The following MNS1 variants were observed in gnomAD, a reference collection of about 807,000 sequenced individuals.
MNS1 encodes meiosis-specific nuclear structural protein 1.
A neutral mutation model predicts 72.0 loss-of-function variants in MNS1; 63 were observed. That is an observed-to-expected ratio of 0.87 (90% confidence interval 0.71 to 1.08). The LOEUF (loss-of-function observed/expected upper bound fraction) is 1.08. Ranked by LOEUF, MNS1 falls within the 50% of genes least tolerant of loss-of-function variation. The pLI is 0.00. For synonymous variants in MNS1, 188 were observed against 172.1 expected, an observed-to-expected ratio of 1.09 and a Z score of -0.72; for missense variants, 604 against 562.4, an observed-to-expected ratio of 1.07 and a Z score of -0.75.
At chr15:56,464,001 AG>A in intron 2 of MNS1, 24 bp downstream of exon 2, 1 of 1,565,336 alleles carries the variant, frequency 6.4e-7, no homozygotes, top group Non-Finnish European at 8.7e-7. Flanking sequence ...TGAAAAAAAA[AG>A]TAACAATGAA....
At chr15:56,439,839 G>A (rs1204874836) in intron 7 of MNS1, among the ~76,000 whole-genome samples, 5 of 149,572 alleles carry the variant, frequency 3.3e-5, no homozygotes, top group Admixed American at 2.7e-4. Flanking sequence ...ATAACTAGGC[G>A]AAGAGTTTCT....
At chr15:56,460,977 C>G (rs986194489) in intron 2 of MNS1, among the ~76,000 whole-genome samples, 2 of 152,022 alleles carry the variant, frequency 1.3e-5, no homozygotes, top group Non-Finnish European at 2.9e-5. Context: ...AGCCTGAGAA[C>G]CAGCAGGCTC....
At chr15:56,436,849 C>G (rs2050734807) in intron 7 of MNS1, among the ~76,000 whole-genome samples, 1 of 152,132 alleles carries the variant, frequency 6.6e-6, no homozygotes, top group Admixed American at 6.5e-5. Flanking sequence ...ACTAGAAAAT[C>G]TAGAAGAAAT....
chr15:56,460,009 A>AAATATATAT, intron 2 of MNS1, among the ~76,000 whole-genome samples: 2 of 26,404 alleles, frequency 7.6e-5, no homozygotes, highest in African/African-American at 3.0e-4. Flanking sequence ...AAAAAAAAAA[A>AAATATATAT]ATACATATAT....
At chr15:56,452,546 T>G (rs1392377976) in intron 3 of MNS1, among the ~76,000 whole-genome samples, 1 of 147,432 alleles carries the variant, frequency 6.8e-6, no homozygotes, top group African/African-American at 2.5e-5. Flanking sequence ...TGAGACAGAG[T>G]CTCTCTCTGT....
intron 4 of MNS1, among the ~76,000 whole-genome samples, chr15:56,445,040 C>T (rs1377317133): frequency 6.6e-6 from 1 of 152,020 alleles, no homozygotes; most frequent in Non-Finnish European, 1.5e-5. Flanking sequence ...CAATTTTCAT[C>T]GTTTTTAGCT....
At chr15:56,446,080 A>T (rs2050899747) in intron 4 of MNS1, 1 of 151,956 alleles carries the variant, frequency 6.6e-6, no homozygotes, top group African/African-American at 2.4e-5. Context: ...TATGGTATCT[A>T]TTCTTAATTG....
intron 3 of MNS1, among the ~76,000 whole-genome samples, chr15:56,448,186 C>T (rs11858489): frequency 0.29 from 43,686 of 152,062 alleles, 6,881 homozygotes; most frequent in Middle Eastern, 0.47. Context: ...TCAGGTCATA[C>T]AGTAGATGCA....
intron 2 of MNS1, among the ~76,000 whole-genome samples, chr15:56,461,623 T>C (rs1567155177): frequency 8.0e-6 from 1 of 125,536 alleles, no homozygotes; most frequent in Non-Finnish European, 1.6e-5. Context: ...ATGGTGCGGC[T>C]GCACTCCAGC....
Position 56,465,074 on chromosome 15 carries a change from G to T in MNS1, c.-102C>A, listed in dbSNP as rs527542797. On this transcript the variant is annotated 5_prime_UTR_variant, in exon 1 of 10. Transcript: ENST00000260453. Reference sequence around the variant, plus strand: ...CCAAGGAGCGCACCTGGCTGCGCGCGCTCGGGTGTTTACGCGGCGTCTTGG... The same window carrying T: ...CCAAGGAGCGCACCTGGCTGCGCGCTCTCGGGTGTTTACGCGGCGTCTTGG... 3 of 1,509,120 alleles carry T rather than the reference G, an allele frequency of 2.0e-6. No individual in the cohort carries two copies. Among genetic ancestry groups the T allele is most frequent in the African/African-American group, 2.8e-5 (2 of 71,144 alleles). The allele number at this position is 1,509,120 out of a possible 1,614,324, so 93.5% of individuals were successfully genotyped here.
In MNS1 at chr15:56,461,984, T is replaced by G. The variant is rs76051181; in HGVS notation, c.225+2042A>C. Among the ~76,000 whole-genome samples the G allele has an allele frequency of 1.8e-3, 244 of 133,758 alleles. 3 individuals are homozygous for G. Among genetic ancestry groups the G allele is most frequent in the Middle Eastern group, 3.6e-3 (1 of 276 alleles). The allele number at this position is 133,758 out of a possible 152,430, so 87.8% of individuals were successfully genotyped here. On this transcript the variant is annotated intron_variant, in intron 2 of 9. Coordinates refer to ENST00000260453, the MANE Select transcript of MNS1 (RefSeq NM_018365.4). The stretch of plus-strand genomic sequence containing the variant: ...GTGTTTTTTTGTTGTTGTTTTTTTT[T>G]TTTTTTTTTTTTTTTTTTTTTTTTT...
In MNS1 at chr15:56,434,132, T is replaced by C. The variant is rs1393997124; in HGVS notation, c.1269+6A>G. On this transcript the variant is annotated splice_donor_region_variant and intron_variant, in intron 8 of 9. Transcript: ENST00000260453. ...TGACCAAAAAAACCCCACAACTTTTTCTTACTTTGTCTGCAAGGAATTGTT... is the reference window on the plus strand; with the variant it reads ...TGACCAAAAAAACCCCACAACTTTTCCTTACTTTGTCTGCAAGGAATTGTT... 1 of 1,604,360 alleles carries C rather than the reference T, an allele frequency of 6.2e-7. No individual in the cohort carries two copies. Among genetic ancestry groups the C allele is most frequent in the Non-Finnish European group, 8.5e-7 (1 of 1,176,408 alleles).
Position 56,443,619 on chromosome 15 carries a change from G to A in MNS1, c.903+19C>T, listed in dbSNP as rs191250337. On this transcript the variant is annotated intron_variant, in intron 6 of 9. Coordinates refer to ENST00000260453, the MANE Select transcript of MNS1 (RefSeq NM_018365.4). ...ATTTCAGAATTTTACTAGTGTTAAA[G>A]AAGTGGTTATTTTAATACCGCATTC... The A allele has an allele frequency of 7.4e-5, 118 of 1,605,426 alleles. No individual in the cohort carries two copies. The African/African-American group carries it at 1.0e-3, about 14-fold the overall frequency.
chr15:56,456,624 C>G (rs1262434524), intron 2 of MNS1, 103 bp from the exon 3 acceptor site: 6 of 1,087,458 alleles, frequency 5.5e-6, no homozygotes, highest in Non-Finnish European at 6.7e-6. Context: ...TTAAGGCCAA[C>G]AATTGATGAT....
At chr15:56,456,606 T>A in intron 2 of MNS1, 85 bp from the exon 3 acceptor site, 2 of 1,383,674 alleles carry the variant, frequency 1.4e-6, no homozygotes, top group Non-Finnish European at 2.0e-6. Context: ...AACAGAAAAC[T>A]AAATGCCTTA....
Position 56,434,213 on chromosome 15 carries a change from T to C in MNS1, c.1194A>G (p.Arg398=), listed in dbSNP as rs1403212877. The C allele has an allele frequency of 6.2e-7, 1 of 1,613,842 alleles. No homozygotes were observed. The highest frequency in any genetic ancestry group is 8.5e-7 in the Non-Finnish European group (1 of 1,179,918). The change falls in exon 8 of 10, where the codon AGA becomes AGG. Residue 398 remains arginine, a synonymous_variant. Coordinates refer to ENST00000260453, the MANE Select transcript of MNS1 (RefSeq NM_018365.4). ...RIELMNAQKQ[R]MKQLEHRRAV... is the part of the protein sequence containing the mutation. ...CCCTCCTGTGTTCCAGCTGCTTCAT[T>C]CTTTGTTTCTGAGCATTCATTAATT... is the stretch of plus-strand genomic sequence containing the variant.
At chr15:56,461,732 T>A (rs972119093) in intron 2 of MNS1, among the ~76,000 whole-genome samples, 27 of 146,848 alleles carry the variant, frequency 1.8e-4, no homozygotes, top group African/African-American at 6.3e-4. Context: ...GATGAGATAA[T>A]TTGAGCATCA....
chr15:56,434,967 A>G (rs1383545722), intron 7 of MNS1, among the ~76,000 whole-genome samples: 1 of 152,116 alleles, frequency 6.6e-6, no homozygotes, highest in South Asian at 2.1e-4. Flanking sequence ...CTTTCCTATA[A>G]GCTTTTATTT....
Position 56,460,012 on chromosome 15 carries a change from ACATAT to A in MNS1, c.226-3496_226-3492del, listed in dbSNP as rs1567154799. ...TCTCAAAAAAAAAAAAAAAAAAAAT[ACATAT>A]ATATATATATATATATATGTGACTA... On this transcript the variant is annotated intron_variant, in intron 2 of 9. Coordinates refer to ENST00000260453, the MANE Select transcript of MNS1 (RefSeq NM_018365.4). 2.8e-4 allele frequency among the ~76,000 whole-genome samples: 12 copies of A among 42,288 alleles called. 1 individual carries two copies. The highest frequency in any genetic ancestry group is 4.4e-4 in the Non-Finnish European group (8 of 18,034). The allele number at this position is 42,288 out of a possible 152,430, so 27.7% of individuals were successfully genotyped here.
Sources: gnomAD v4.1 joint callset for allele counts (sites outside exome capture counted in the v4.1 genomes callset) on GRCh38, gnomAD v4.1.1 for gene constraint, MANE v1.5 for transcripts, NCBI Gene and HGNC (gene_info 2026-07-23, HGNC 2026-07-21) for gene names.